Variants in PIK3CG observed in about 807,000 individuals in gnomAD.
PIK3CG encodes phosphatidylinositol 4,5-bisphosphate 3-kinase catalytic subunit gamma isoform.
Under a neutral mutation model 102.3 loss-of-function variants are expected in PIK3CG, and 55 were observed. The observed-to-expected ratio is 0.54, with a 90% CI of 0.43 to 0.67. PIK3CG has a LOEUF of 0.67. Ranked by LOEUF, PIK3CG falls within the 30% of genes least tolerant of loss-of-function variation. The probability of loss-of-function intolerance (pLI) is 0.00; values close to 1 mark genes in which losing one functional copy is unlikely to be tolerated. For synonymous variants in PIK3CG, 552 were observed against 540.0 expected (o/e 1.02, Z -0.31); for missense variants, 1,258 against 1,391.8 (o/e 0.90, Z 1.53).
chr7:106,889,935 C>T (rs568098363), intron 10 of PIK3CG, among the ~76,000 whole-genome samples: 9 of 152,324 alleles, frequency 5.9e-5, no homozygotes, highest in African/African-American at 2.2e-4. Flanking sequence ...ATCCTACAAA[C>T]AGGTGCTAAA....
In PIK3CG at chr7:106,897,003, T is replaced by A. The variant is rs1043182999; in HGVS notation, c.3031-8106T>A. On this transcript the variant is annotated intron_variant, in intron 10 of 10. Coordinates refer to ENST00000496166, the MANE Select transcript of PIK3CG (RefSeq NM_001282426.2). This position sits in a 1 kb window ranked among gnomAD's most constrained non-coding sequence, Gnocchi z 4.6. ...AATATTTTGTCCTATAAATTTATATTCTTTTTTCTATATAAATATTTTGTG... is the reference window on the plus strand; with the variant it reads ...AATATTTTGTCCTATAAATTTATATACTTTTTTCTATATAAATATTTTGTG... Among the ~76,000 whole-genome samples, 3 of 152,198 alleles carry A rather than the reference T, an allele frequency of 2.0e-5. No individual in the cohort carries two copies. The highest frequency in any genetic ancestry group is 7.2e-5 in the African/African-American group (3 of 41,426).
Position 106,884,292 on chromosome 7 carries a change from C to G in PIK3CG, c.2872+26C>G. 1 of 1,415,064 alleles carries G rather than the reference C, an allele frequency of 7.1e-7. No homozygotes were observed. The highest frequency in any genetic ancestry group is 1.4e-5 in the African/African-American group (1 of 70,752). 87.7% of individuals were successfully genotyped at this position (1,415,064 alleles called of 1,614,324 possible). ...GTGAGTTTATTTAGTGCAGAATAAACTTTTATTGTGGTAAAATATATATAA... is the reference window on the plus strand; with the variant it reads ...GTGAGTTTATTTAGTGCAGAATAAAGTTTTATTGTGGTAAAATATATATAA... On this transcript the variant is annotated intron_variant, in intron 9 of 10. Transcript: ENST00000496166. This position sits in a 1 kb window ranked among gnomAD's most constrained non-coding sequence, Gnocchi z 4.2.
chr7:106,903,319 G>T lies in PIK3CG; in HGVS notation c.3031-1790G>T, dbSNP rs1260704238. ...CAGATGAACTTTAAACCATATCTGA[G>T]TTTAAACACCCAATAAGAATTTGTA... On this transcript the variant is annotated intron_variant, in intron 10 of 10. Coordinates refer to ENST00000496166, the MANE Select transcript of PIK3CG (RefSeq NM_001282426.2). This position sits in a 1 kb window ranked among gnomAD's most constrained non-coding sequence, Gnocchi z 4.3. Among the ~76,000 whole-genome samples the T allele has an allele frequency of 1.3e-5, 2 of 151,942 alleles. No homozygotes were observed. The highest frequency in any genetic ancestry group is 1.5e-5 in the Non-Finnish European group (1 of 67,992).
rs1033679758 is a variant in PIK3CG at position 106,891,660 on chromosome 7, A to G, written c.3030+5368A>G. ...TCTGAAGTCATCAGGGGAGCCAAAT[A>G]ACACATCTACAGACAAATCTATGCA... is the stretch of plus-strand genomic sequence containing the variant. On this transcript the variant is annotated intron_variant, in intron 10 of 10. Transcript: ENST00000496166. The surrounding 1 kb of genome is among the most constrained non-coding windows in gnomAD (Gnocchi z 4.4). 6.6e-6 allele frequency among the ~76,000 whole-genome samples: 1 copy of G among 152,210 alleles called. No individual in the cohort carries two copies. Among genetic ancestry groups the G allele is most frequent in the Non-Finnish European group, 1.5e-5 (1 of 68,044 alleles).
In PIK3CG at chr7:106,892,854, G is replaced by C. The variant is rs551244358; in HGVS notation, c.3030+6562G>C. 2.2e-4 allele frequency among the ~76,000 whole-genome samples: 34 copies of C among 152,282 alleles called. No homozygotes were observed. The Middle Eastern group carries it at 0.01, about 46-fold the overall frequency. ...ATACAGGGAAGGGAGGGAACATCCA[G>C]ACAGAAAGAACAGCACGAGCAAGTG... is the stretch of plus-strand genomic sequence containing the variant. On this transcript the variant is annotated intron_variant, in intron 10 of 10. Transcript: ENST00000496166. The surrounding 1 kb of genome is among the most constrained non-coding windows in gnomAD (Gnocchi z 5.2).
chr7:106,868,870 A>G lies in PIK3CG; in HGVS notation c.1309A>G (p.Lys437Glu), dbSNP rs2116452037. ...ACTGAACCTCCAGATCTACTGCGGT[A>G]AAGCTCCAGCACTGTCCAGCAAGGC... ...ALLNLQIYCGKAPALSSKASA... is the reference protein window; with the variant it reads ...ALLNLQIYCGEAPALSSKASA... The change falls in exon 2 of 11, where the codon AAA becomes GAA. Residue 437 changes from lysine to glutamate, a missense_variant. Lys to Glu is a moderately conservative substitution (Grantham distance 56). This residue lies in a region of PIK3CG where 832 missense variants were observed against 787.5 expected (regional missense o/e 1.06). Transcript: ENST00000496166. This position sits in a 1 kb window ranked among gnomAD's most constrained non-coding sequence, Gnocchi z 6.2. 2 of 1,614,222 alleles carry G rather than the reference A, an allele frequency of 1.2e-6. No individual in the cohort carries two copies. Among genetic ancestry groups the G allele is most frequent in the South Asian group, 2.2e-5 (2 of 91,084 alleles).
Position 106,883,100 on chromosome 7 carries a change from G to T in PIK3CG, c.2697G>T (p.Thr899=), listed in dbSNP as rs1180238527. ...TTCAGCAAAGCACAGTGGGCAACAC[G>T]GGAGCATTTAAAGATGAAGTCCTGA... is the stretch of plus-strand genomic sequence containing the variant. The part of the protein sequence containing the change: ...AKIQQSTVGN[T]GAFKDEVLNH... Residue 899 remains threonine (T), a synonymous_variant, in exon 8 of 11, where the codon ACG becomes ACT. Coordinates refer to ENST00000496166, the MANE Select transcript of PIK3CG (RefSeq NM_001282426.2). The surrounding 1 kb of genome is among the most constrained non-coding windows in gnomAD (Gnocchi z 5.8). 1 of 1,613,968 alleles carries T rather than the reference G, an allele frequency of 6.2e-7. No individual in the cohort carries two copies. Among genetic ancestry groups the T allele is most frequent in the Non-Finnish European group, 8.5e-7 (1 of 1,179,920 alleles).
chr7:106,868,131 C>T lies in PIK3CG; in HGVS notation c.570C>T (p.Ser190=). The T allele has an allele frequency of 1.2e-6, 2 of 1,612,078 alleles. No individual in the cohort carries two copies. Among genetic ancestry groups the T allele is most frequent in the South Asian group, 1.1e-5 (1 of 91,004 alleles). The change falls in exon 2 of 11, where the codon AGC becomes AGT. Residue 190 remains serine (S), a synonymous_variant. Coordinates refer to ENST00000496166, the MANE Select transcript of PIK3CG (RefSeq NM_001282426.2). This position sits in a 1 kb window ranked among gnomAD's most constrained non-coding sequence, Gnocchi z 6.2. ...LVTPRMAEVA[S]RDPKLYAMHP... ...CCCCGCGCATGGCGGAGGTGGCCAG[C>T]CGCGACCCCAAGCTCTACGCCATGC...
At chr7:106,889,884 A>T (rs913440393) in intron 10 of PIK3CG, among the ~76,000 whole-genome samples, 2 of 152,242 alleles carry the variant, frequency 1.3e-5, no homozygotes, top group Non-Finnish European at 2.9e-5. Context: ...ACCAAGGCCC[A>T]GCGTTTGAAC....
At chr7:106,888,745 C>T (rs1584340004) in intron 10 of PIK3CG, among the ~76,000 whole-genome samples, 1 of 152,166 alleles carries the variant, frequency 6.6e-6, no homozygotes. Context: ...AATCTGTGCA[C>T]GTTGAGCCTT....
In PIK3CG at chr7:106,884,455, C is replaced by T. The variant is rs1247954594; in HGVS notation, c.2872+189C>T. ...ATCTTCCCCAGCTGAAACTCTGTAC[C>T]CATTAAACACTAACTCCCCATGCCT... is the stretch of plus-strand genomic sequence containing the variant. On this transcript the variant is annotated intron_variant, in intron 9 of 10. Transcript: ENST00000496166. The surrounding 1 kb of genome is among the most constrained non-coding windows in gnomAD (Gnocchi z 4.2). Among the ~76,000 whole-genome samples the T allele has an allele frequency of 3.3e-5, 5 of 152,134 alleles. No individual in the cohort carries two copies. Among genetic ancestry groups the T allele is most frequent in the Non-Finnish European group, 7.3e-5 (5 of 68,034 alleles).
In PIK3CG at chr7:106,905,035, A is replaced by G. The variant is rs1001715606; in HGVS notation, c.3031-74A>G. On this transcript the variant is annotated intron_variant, in intron 10 of 10. Transcript: ENST00000496166. This position sits in a 1 kb window ranked among gnomAD's most constrained non-coding sequence, Gnocchi z 5.6. Reference sequence around the variant, plus strand: ...CAGGTAACTCTATGTACATTTCAGTACATCCCTGTAATCTTCAGCCTACTT... The same window carrying G: ...CAGGTAACTCTATGTACATTTCAGTGCATCCCTGTAATCTTCAGCCTACTT... The G allele has an allele frequency of 9.2e-6, 12 of 1,308,828 alleles. No homozygotes were observed. The highest frequency in any genetic ancestry group is 3.8e-5 in the Admixed American group (2 of 52,862). 81.1% of individuals were successfully genotyped at this position (1,308,828 alleles called of 1,614,324 possible).
At position 106,897,840 on chromosome 7, in the gene PIK3CG, A is replaced by G. The variant is rs1310481141; in HGVS notation, c.3031-7269A>G. Reference sequence around the variant, plus strand: ...TATTGTGAATAGTGCTGCAGTGAATATTTCTGTACATGCGTTTTTATGGTA... The same window carrying G: ...TATTGTGAATAGTGCTGCAGTGAATGTTTCTGTACATGCGTTTTTATGGTA... On this transcript the variant is annotated intron_variant, in intron 10 of 10. Coordinates refer to ENST00000496166, the MANE Select transcript of PIK3CG (RefSeq NM_001282426.2). The surrounding 1 kb of genome is among the most constrained non-coding windows in gnomAD (Gnocchi z 4.6). 6.6e-6 allele frequency among the ~76,000 whole-genome samples: 1 copy of G among 152,120 alleles called. No individual in the cohort carries two copies. The highest frequency in any genetic ancestry group is 1.5e-5 in the Non-Finnish European group (1 of 68,014).
rs1791738594 is a variant in PIK3CG at position 106,908,152 on chromosome 7, A to G, written c.*2765A>G. ...ACTGGCGACATAATTTGCAGAGCCC[A>G]GTGAACAGTGAAAATGCAGTCCCAT... On this transcript the variant is annotated 3_prime_UTR_variant, in exon 11 of 11. Coordinates refer to ENST00000496166, the MANE Select transcript of PIK3CG (RefSeq NM_001282426.2). This position sits in a 1 kb window ranked among gnomAD's most constrained non-coding sequence, Gnocchi z 4.1. Among the ~76,000 whole-genome samples the G allele has an allele frequency of 6.6e-6, 1 of 152,196 alleles. No individual in the cohort carries two copies. The highest frequency in any genetic ancestry group is 2.4e-5 in the African/African-American group (1 of 41,450).
Position 106,906,748 on chromosome 7 carries a change from G to T in PIK3CG, c.*1361G>T. ...CTATGTTAACAGTGTCTCTGTTTAA[G>T]TATAATCAGATATAAATATATACTT... On this transcript the variant is annotated 3_prime_UTR_variant, in exon 11 of 11. Transcript: ENST00000496166. 1 of 214,620 alleles carries T rather than the reference G, an allele frequency of 4.7e-6. No homozygotes were observed. 13.3% of individuals were successfully genotyped at this position (214,620 alleles called of 1,614,324 possible).
rs540997062 is a variant in PIK3CG at position 106,895,334 on chromosome 7, A to G, written c.3030+9042A>G. 6.6e-6 allele frequency among the ~76,000 whole-genome samples: 1 copy of G among 152,336 alleles called. No homozygotes were observed. Among genetic ancestry groups the G allele is most frequent in the African/African-American group, 2.4e-5 (1 of 41,580 alleles). On this transcript the variant is annotated intron_variant, in intron 10 of 10. Transcript: ENST00000496166. This position sits in a 1 kb window ranked among gnomAD's most constrained non-coding sequence, Gnocchi z 5.4. ...TTCTGTGTTTTCCCCTGAGCTCCCC[A>G]GGCCACATCCTCATAGTCCCTGAAA... is the stretch of plus-strand genomic sequence containing the variant.
chr7:106,867,643 G>A lies in PIK3CG; in HGVS notation c.82G>A (p.Ala28Thr), dbSNP rs1790340790. Reference protein sequence around the residue: ...RRRRRMKPRSAAASLSSMELI... With the variant: ...RRRRRMKPRSTAASLSSMELI... ...GCGCCGGAGGATGAAGCCGCGCAGTGCTGCGGCCAGCCTGTCCTCCATGGA... is the reference window on the plus strand; with the variant it reads ...GCGCCGGAGGATGAAGCCGCGCAGTACTGCGGCCAGCCTGTCCTCCATGGA... The change falls in exon 2 of 11, where the codon GCT (alanine) becomes ACT (threonine). Residue 28 changes from alanine to threonine, a missense_variant. Ala to Thr is a moderately conservative substitution (Grantham distance 58). This residue lies in a region of PIK3CG where 832 missense variants were observed against 787.5 expected (regional missense o/e 1.06). Coordinates refer to ENST00000496166, the MANE Select transcript of PIK3CG (RefSeq NM_001282426.2). This position sits in a 1 kb window ranked among gnomAD's most constrained non-coding sequence, Gnocchi z 5.1. The A allele has an allele frequency of 6.2e-7, 1 of 1,613,208 alleles. No homozygotes were observed.
At position 106,905,395 on chromosome 7, in the gene PIK3CG, G is replaced by T; in HGVS notation, c.*8G>T. 2 of 1,605,020 alleles carry T rather than the reference G, an allele frequency of 1.2e-6. No individual in the cohort carries two copies. Among genetic ancestry groups the T allele is most frequent in the South Asian group, 1.1e-5 (1 of 90,024 alleles). On this transcript the variant is annotated 3_prime_UTR_variant, in exon 11 of 11. Transcript: ENST00000496166. The surrounding 1 kb of genome is among the most constrained non-coding windows in gnomAD (Gnocchi z 5.6). The stretch of plus-strand genomic sequence containing the variant: ...GAGAAACATTCAGCCTAATACTTTA[G>T]GCTAGAATCAAAAACAAGTTAGTGT...
chr7:106,886,047 T>C, intron 9 of PIK3CG, 88 bp from the exon 10 acceptor site: 1 of 1,172,756 alleles, frequency 8.5e-7, no homozygotes, highest in South Asian at 1.5e-5. Flanking sequence ...CAACACAAGA[T>C]AGCTCATTTT....
Sources: allele counts gnomAD v4.1 joint callset (sites outside exome capture counted in the v4.1 genomes callset), GRCh38; gene constraint gnomAD v4.1.1; regional missense constraint gnomAD v4.1.1; non-coding constraint Gnocchi (gnomAD v3.1); transcripts MANE v1.5; gene names NCBI Gene and HGNC (gene_info 2026-07-23, HGNC 2026-07-21).